SLC25A38: variants seen among roughly 807,000 people sequenced by gnomAD.
SLC25A38 encodes the protein solute carrier family 25 member 38.
SLC25A38 carries 27 observed loss-of-function variants against 33.4 expected under a neutral mutation model. The ratio of observed to expected loss-of-function variants is 0.81; its 90% CI spans 0.60 to 1.11. SLC25A38 has a LOEUF of 1.11. SLC25A38 is among the 50% of genes most tolerant of loss of function. The pLI is 0.00. For synonymous variants in SLC25A38, 123 were observed against 145.9 expected (o/e 0.84, Z 1.13); for missense variants, 344 against 388.8 (o/e 0.88, Z 0.97).
Position 39,390,428 on chromosome 3 carries a change from G to A in SLC25A38, c.197G>A (p.Arg66Lys). 1.2e-6 allele frequency: 2 copies of A among 1,614,170 alleles called. No homozygotes were observed. Among genetic ancestry groups the A allele is most frequent in the East Asian group, 2.2e-5 (1 of 44,886 alleles). Residue 66 changes from arginine (R) to lysine (K), a missense_variant, in exon 3 of 7, where the codon AGA (arginine) becomes AAA (lysine). Physicochemically the swap from Arg to Lys is conservative, Grantham distance 26 (BLOSUM62 2). Transcript: ENST00000650617. ...TCCATTTTGTCTGCTTTCAGGTCTA[G>A]ACGTGTTGGGATGTTGGCTGTACTC... Reference protein sequence around the residue: ...QTLQPSDHGSRRVGMLAVLLK... With the variant: ...QTLQPSDHGSKRVGMLAVLLK...
intron 1 of SLC25A38, chr3:39,388,447 C>T (rs2125576856): frequency 6.6e-6 from 1 of 152,190 alleles, no homozygotes; most frequent in African/African-American, 2.4e-5. Flanking sequence ...GCAAATACTG[C>T]AGATTACAAA....
chr3:39,394,657 A>G, intron 6 of SLC25A38, 81 bp downstream of exon 6: 2 of 1,534,604 alleles, frequency 1.3e-6, no homozygotes, highest in Non-Finnish European at 1.8e-6. Flanking sequence ...CTTCACTCAC[A>G]TTAAAATTGC....
intron 1 of SLC25A38, 67 bp downstream of exon 1, chr3:39,383,860 C>T: frequency 6.4e-7 from 1 of 1,568,884 alleles, no homozygotes. Flanking sequence ...GAATTCGGGG[C>T]GTTGCTAAGG....
intron 3 of SLC25A38, 97 bp from the exon 4 acceptor site, chr3:39,391,344 A>G (rs532139649): frequency 1.9e-6 from 3 of 1,548,886 alleles, no homozygotes; most frequent in Non-Finnish European, 2.7e-6. Context: ...AAGCACTTGC[A>G]TGCGAATCAT....
At chr3:39,394,670 A>G in intron 6 of SLC25A38, 94 bp downstream of exon 6, 1 of 1,470,712 alleles carries the variant, frequency 6.8e-7, no homozygotes, top group Non-Finnish European at 9.3e-7. Flanking sequence ...AAAATTGCCT[A>G]GAGAGCTTTT....
At position 39,383,661 on chromosome 3, in the gene SLC25A38, G is replaced by C; in HGVS notation, c.-64G>C. 2 of 1,598,544 alleles carry C rather than the reference G, an allele frequency of 1.3e-6. No homozygotes were observed. The highest frequency in any genetic ancestry group is 1.7e-6 in the Non-Finnish European group (2 of 1,166,564). ...CCCCTAGCCTTCTTCAAGGCCTCCA[G>C]GGCTGGGCCCAAGCGCCCGTCGACG... On this transcript the variant is annotated 5_prime_UTR_variant, in exon 1 of 7. Transcript: ENST00000650617.
intron 6 of SLC25A38, among the ~76,000 whole-genome samples, chr3:39,395,321 C>T (rs572954727): frequency 2.0e-5 from 3 of 151,896 alleles, no homozygotes; most frequent in South Asian, 2.1e-4. Flanking sequence ...GCTGGTAATC[C>T]CAGCATTTTG....
chr3:39,394,606 G>C, intron 6 of SLC25A38, 30 bp downstream of exon 6: 1 of 1,613,672 alleles, frequency 6.2e-7, no homozygotes, highest in Non-Finnish European at 8.5e-7. Flanking sequence ...ACTGGTTCTT[G>C]TGGTGTTTAA....
At chr3:39,388,159 T>C (rs2041724826) in intron 1 of SLC25A38, among the ~76,000 whole-genome samples, 1 of 152,076 alleles carries the variant, frequency 6.6e-6, no homozygotes, top group African/African-American at 2.4e-5. Flanking sequence ...AACACAGAAC[T>C]CATGAGAATA....
chr3:39,395,036 G>A (rs886915592), intron 6 of SLC25A38, among the ~76,000 whole-genome samples: 3 of 152,006 alleles, frequency 2.0e-5, no homozygotes, highest in East Asian at 3.9e-4. Flanking sequence ...TAGTCTTTTG[G>A]CTTCCCTGGG....
At chr3:39,393,030 A>G (rs1035359375) in intron 5 of SLC25A38, among the ~76,000 whole-genome samples, 1 of 152,224 alleles carries the variant, frequency 6.6e-6, no homozygotes, top group Non-Finnish European at 1.5e-5. Flanking sequence ...TATGCCTGTA[A>G]TCTCAGCACT....
intron 3 of SLC25A38, 72 bp downstream of exon 3, chr3:39,390,579 C>G: frequency 6.8e-7 from 1 of 1,464,784 alleles, no homozygotes; most frequent in Non-Finnish European, 9.6e-7. Flanking sequence ...ATCTACCTTA[C>G]CAGCTCTTAA....
At chr3:39,385,583 G>A (rs1044503068) in intron 1 of SLC25A38, among the ~76,000 whole-genome samples, 4 of 152,024 alleles carry the variant, frequency 2.6e-5, no homozygotes, top group Admixed American at 6.6e-5. Flanking sequence ...ATCCTGGGAT[G>A]AGTCATGCAG....
rs1334985163 is a variant in SLC25A38 at position 39,389,623 on chromosome 3, C to A, written c.191+7C>A. On this transcript the variant is annotated splice_region_variant and intron_variant, in intron 2 of 6. Coordinates refer to ENST00000650617, the MANE Select transcript of SLC25A38 (RefSeq NM_017875.4). The surrounding 1 kb of genome is among the most constrained non-coding windows in gnomAD (Gnocchi z 4.5). Reference sequence around the variant, plus strand: ...TCCAGCCCTCAGATCATGGGTAGGCCCTGCATTTCATTGGGGAACTGATTT... The same window carrying A: ...TCCAGCCCTCAGATCATGGGTAGGCACTGCATTTCATTGGGGAACTGATTT... 6.2e-7 allele frequency: 1 copy of A among 1,614,022 alleles called. No homozygotes were observed. The highest frequency in any genetic ancestry group is 1.7e-5 in the Admixed American group (1 of 59,996).
intron 5 of SLC25A38, among the ~76,000 whole-genome samples, 192 bp downstream of exon 5, chr3:39,392,213 C>A (rs1179893161): frequency 1.7e-5 from 2 of 117,502 alleles, no homozygotes; most frequent in Non-Finnish European, 3.2e-5. Flanking sequence ...AGTTTACATC[C>A]TATTAAGGCA....
In SLC25A38 at chr3:39,389,831, G is replaced by T. The variant is rs566535611; in HGVS notation, c.191+215G>T. Reference sequence around the variant, plus strand: ...TGAGCAGCTTCCTGGAATCGGCTCAGTGACATTTACACTTTATTGTGTTAG... The same window carrying T: ...TGAGCAGCTTCCTGGAATCGGCTCATTGACATTTACACTTTATTGTGTTAG... On this transcript the variant is annotated intron_variant, in intron 2 of 6. Transcript: ENST00000650617. The surrounding 1 kb of genome is among the most constrained non-coding windows in gnomAD (Gnocchi z 4.5). Among the ~76,000 whole-genome samples the T allele has an allele frequency of 6.6e-6, 1 of 152,324 alleles. No individual in the cohort carries two copies. Among genetic ancestry groups the T allele is most frequent in the Admixed American group, 6.5e-5 (1 of 15,306 alleles).
In SLC25A38 at chr3:39,389,358, C is replaced by T. The variant is rs550095316; in HGVS notation, c.70-137C>T. On this transcript the variant is annotated intron_variant, in intron 1 of 6. Transcript: ENST00000650617. The surrounding 1 kb of genome is among the most constrained non-coding windows in gnomAD (Gnocchi z 4.5). ...TTTCTGGCTATACTTTTTCCTTCTCCGAGGTATGAAGAAAACATGAGGCAC... is the reference window on the plus strand; with the variant it reads ...TTTCTGGCTATACTTTTTCCTTCTCTGAGGTATGAAGAAAACATGAGGCAC... 155 of 1,368,182 alleles carry T rather than the reference C, an allele frequency of 1.1e-4. No homozygotes were observed. The highest frequency in any genetic ancestry group is 5.0e-4 in the African/African-American group (35 of 70,338). 84.8% of individuals were successfully genotyped at this position (1,368,182 alleles called of 1,614,324 possible). A position where few individuals can be genotyped will look rare whatever the true frequency, so the allele number is the denominator to read the frequency against.
chr3:39,396,825 G>GC lies in SLC25A38; in HGVS notation c.*306dup. On this transcript the variant is annotated 3_prime_UTR_variant, in exon 7 of 7. Transcript: ENST00000650617. Reference sequence around the variant, plus strand: ...CAGGAGAGCTCTGTCAGGTGGCTGCGCTTCAGCCCCACCCCTACACCACAG... The same window carrying GC: ...CAGGAGAGCTCTGTCAGGTGGCTGCGCCTTCAGCCCCACCCCTACACCACAG... 1 of 417,890 alleles carries GC rather than the reference G, an allele frequency of 2.4e-6. No individual in the cohort carries two copies. The highest frequency in any genetic ancestry group is 3.5e-5 in the Admixed American group (1 of 28,472). The allele number at this position is 417,890 out of a possible 1,614,324, so 25.9% of individuals were successfully genotyped here. A position where few individuals can be genotyped will look rare whatever the true frequency, so the allele number is the denominator to read the frequency against.
At position 39,391,995 on chromosome 3, in the gene SLC25A38, A is replaced by G; in HGVS notation, c.599A>G (p.Asn200Ser). 6.2e-7 allele frequency: 1 copy of G among 1,614,198 alleles called. No homozygotes were observed. The highest frequency in any genetic ancestry group is 8.5e-7 in the Non-Finnish European group (1 of 1,180,036). ...TCAGGAATCTACCTGATGTTTTACA[A>G]CCAGACCAAAAATATAGTGCCTCAT... ...PFSGIYLMFY[N>S]QTKNIVPHDQ... The change falls in exon 5 of 7, where the codon AAC (asparagine) becomes AGC (serine). Residue 200 changes from asparagine to serine, a missense_variant. Transcript: ENST00000650617.
Sources: allele counts gnomAD v4.1 joint callset (sites outside exome capture counted in the v4.1 genomes callset), GRCh38; gene constraint gnomAD v4.1.1; non-coding constraint Gnocchi (gnomAD v3.1); transcripts MANE v1.5; gene names NCBI Gene and HGNC (gene_info 2026-07-23, HGNC 2026-07-21).